The following SYP variants were observed in gnomAD, a reference collection of about 807,000 sequenced individuals.
SYP encodes the protein synaptophysin.
SYP carries 2 observed loss-of-function variants against 24.3 expected under a neutral mutation model. That is an observed-to-expected ratio of 0.08 (90% CI 0.03 to 0.26). The LOEUF (loss-of-function observed/expected upper bound fraction) is 0.26, where lower values mean the gene tolerates loss of function less well. SYP is among the 10% of genes least tolerant of loss of function. The pLI is 1.00. For missense variants in SYP, 216 were observed against 266.3 expected, an observed-to-expected ratio of 0.81 and a Z score of 1.32; for synonymous variants, 143 against 123.2, an observed-to-expected ratio of 1.16 and a Z score of -1.07.
At chrX:49,192,482 C>T (rs782685217) in intron 5 of SYP, among the ~76,000 whole-genome samples, 220 of 112,767 alleles carry the variant, frequency 2.0e-3, no homozygotes, top group Non-Finnish European at 3.2e-3. Flanking sequence ...CGTGAGCTAC[C>T]GCACCCGGCC....
In SYP at chrX:49,194,276, C is replaced by T. The variant is rs782248808; in HGVS notation, c.313G>A (p.Glu105Lys). The change falls in exon 4 of 7, where the codon GAA (glutamate) becomes AAA (lysine). Residue 105 changes from glutamate to lysine, a missense_variant. Coordinates refer to ENST00000263233, the MANE Select transcript of SYP (RefSeq NM_003179.3). ...AACACGGCCACGGTGACAAAGAATT[C>T]GGCTGACGAGGAGTAGTCCCCAACT... ...FLVGDYSSSA[E>K]FFVTVAVFAF... The T allele has an allele frequency of 3.3e-6, 4 of 1,209,440 alleles. No individual in the cohort carries two copies. Among genetic ancestry groups the T allele is most frequent in the South Asian group, 3.5e-5 (2 of 56,742 alleles).
intron 2 of SYP, chrX:49,198,052 G>T: frequency 2.2e-6 from 1 of 450,942 alleles, no homozygotes; most frequent in South Asian, 3.4e-5. Context: ...GTCTCTCTCT[G>T]TCTCTGCCTT....
intron 2 of SYP, chrX:49,198,193 T>C (rs1445868240): frequency 3.7e-6 from 1 of 272,835 alleles, no homozygotes; most frequent in African/African-American, 2.8e-5. Flanking sequence ...TGTCTCTCTG[T>C]GTCTCTGATC....
intron 6 of SYP, chrX:49,191,110 G>A (rs1008846857): frequency 4.6e-5 from 16 of 347,297 alleles, no homozygotes; most frequent in South Asian, 3.7e-4. Context: ...TCGCCACTGC[G>A]CAAGTCCCCC....
At position 49,200,009 on chromosome X, in the gene SYP, C is replaced by T. The variant is rs781976172; in HGVS notation, c.36+142G>A. On this transcript the variant is annotated intron_variant, in intron 1 of 6. Coordinates refer to ENST00000263233, the MANE Select transcript of SYP (RefSeq NM_003179.3). ...CTCCCCCTTCCTCCCCTTCACCTGC[C>T]GCAGACCCCCATCCCCAGCGCCGGG... is the stretch of plus-strand genomic sequence containing the variant. 3.6e-5 allele frequency: 26 copies of T among 728,384 alleles called. No individual in the cohort carries two copies. The East Asian group carries it at 9.4e-4, about 26-fold the overall frequency. The allele number at this position is 728,384 out of a possible 1,213,427, so 60.0% of individuals were successfully genotyped here. A position where few individuals can be genotyped will look rare whatever the true frequency, so the allele number is the denominator to read the frequency against.
chrX:49,194,235 G>A lies in SYP; in HGVS notation c.354C>T (p.Ser118=), dbSNP rs782622203. 8.3e-7 allele frequency: 1 copy of A among 1,209,602 alleles called. No individual in the cohort carries two copies. Among genetic ancestry groups the A allele is most frequent in the African/African-American group, 1.8e-5 (1 of 56,989 alleles). The change falls in exon 4 of 7, where the codon TCC becomes TCT. Residue 118 remains serine, a synonymous_variant. Coordinates refer to ENST00000263233, the MANE Select transcript of SYP (RefSeq NM_003179.3). The stretch of plus-strand genomic sequence containing the variant: ...AGATGTAGGTGGCCAGAGCCCCCAT[G>A]GAGTAGAGGAAGGCAAACACGGCCA... ...VTVAVFAFLY[S]MGALATYIFL... is the part of the protein sequence containing the mutation.
Position 49,196,502 on chromosome X carries a change from G to A in SYP, c.227+1213C>T, listed in dbSNP as rs1340290934. Among the ~76,000 whole-genome samples the A allele has an allele frequency of 6.2e-5, 7 of 112,426 alleles. No homozygotes were observed. The East Asian group carries it at 1.9e-3, about 31-fold the overall frequency. ...TACTTATTGAACAGACACTGATGGA[G>A]CACTTATTGTGTGCCAGGCACTGTG... On this transcript the variant is annotated intron_variant, in intron 3 of 6. Coordinates refer to ENST00000263233, the MANE Select transcript of SYP (RefSeq NM_003179.3).
In SYP at chrX:49,191,250, A is replaced by C. The variant is rs1302275005; in HGVS notation, c.*4+183T>G. ...AGCACCATTCTTCTTTTCTCCATTC[A>C]TTAGCTAGTTTTTCAGCTCTTAGCA... On this transcript the variant is annotated intron_variant, in intron 6 of 6. Transcript: ENST00000263233. The C allele has an allele frequency of 3.4e-5, 17 of 498,667 alleles. No individual in the cohort carries two copies. In the African/African-American group the frequency reaches 3.8e-4, roughly 11 times the overall value. 41.1% of individuals were successfully genotyped at this position (498,667 alleles called of 1,213,427 possible).
At chrX:49,197,529 C>G in intron 3 of SYP, 186 bp downstream of exon 3, 1 of 601,958 alleles carries the variant, frequency 1.7e-6, no homozygotes, top group East Asian at 3.6e-5. Context: ...CCTATGTCTG[C>G]CTTGCTCACC....
At chrX:49,198,695 C>G (rs1157271297) in intron 2 of SYP, 1 of 382,914 alleles carries the variant, frequency 2.6e-6, no homozygotes, top group African/African-American at 2.6e-5. Context: ...ACAGGCTCCA[C>G]CTCCCCCACC....
chrX:49,197,954 C>G (rs2065534575), intron 2 of SYP, 115 bp from the exon 3 acceptor site: 1 of 974,823 alleles, frequency 1.0e-6, no homozygotes, highest in Admixed American at 2.4e-5. Context: ...GGAGCAGTCC[C>G]CACCCCCACC....
chrX:49,197,822 G>A lies in SYP; in HGVS notation c.120C>T (p.Ala40=), dbSNP rs1056658168. 2 of 1,207,571 alleles carry A rather than the reference G, an allele frequency of 1.7e-6. No individual in the cohort carries two copies. Among genetic ancestry groups the A allele is most frequent in the African/African-American group, 1.7e-5 (1 of 57,444 alleles). ...KVLQWVFAIF[A]FATCGSYSGE... ...CACTGTAGCTGCCGCATGTGGCAAA[G>A]GCGAAGATGGCGAAGACCTTGGGCA... Residue 40 remains alanine (A), a synonymous_variant, in exon 3 of 7, where the codon GCC becomes GCT. Coordinates refer to ENST00000263233, the MANE Select transcript of SYP (RefSeq NM_003179.3).
rs782803969 is a variant in SYP at position 49,198,980 on chromosome X, C to T, written c.90G>A (p.Lys30=). The T allele has an allele frequency of 8.3e-7, 1 of 1,211,622 alleles. No individual in the cohort carries two copies. Among genetic ancestry groups the T allele is most frequent in the Non-Finnish European group, 1.1e-6 (1 of 895,462 alleles). The part of the protein sequence containing the change: ...RVVKEPLGFV[K]VLQWVFAIFA... ...GGACCACACTCACCCATTGCAGCAC[C>T]TTCACAAAGCCGAGGGGCTCCTTGA... Residue 30 remains lysine (K), a synonymous_variant, in exon 2 of 7, where the codon AAG becomes AAA. Coordinates refer to ENST00000263233, the MANE Select transcript of SYP (RefSeq NM_003179.3).
chrX:49,197,861 T>C, intron 2 of SYP, 22 bp from the exon 3 acceptor site: 5 of 1,208,348 alleles, frequency 4.1e-6, no homozygotes, highest in South Asian at 1.8e-5. Flanking sequence ...GGGATGGGGA[T>C]GGCCACAGTG....
chrX:49,198,040 G>C (rs1407091423), intron 2 of SYP: 3 of 475,480 alleles, frequency 6.3e-6, no homozygotes, highest in African/African-American at 4.9e-5. Flanking sequence ...TTCTCTCTCT[G>C]TGTCTCTCTC....
Position 49,193,279 on chromosome X carries a change from G to A in SYP, c.608C>T (p.Thr203Ile). The change falls in exon 5 of 7, where the codon ACC becomes ATC. Residue 203 changes from threonine to isoleucine, a missense_variant. By Grantham distance (89) the Thr-to-Ile change is moderately conservative (BLOSUM62 -1). Transcript: ENST00000263233. ...LRDPVTSGLN[T>I]SVVFGFLNLV... ...CCAGCACCCAGGGCTTACCACCGAGGTGTTGAGTCCCGAGGTCACAGGGTC... is the reference window on the plus strand; with the variant it reads ...CCAGCACCCAGGGCTTACCACCGAGATGTTGAGTCCCGAGGTCACAGGGTC... 1 of 1,211,872 alleles carries A rather than the reference G, an allele frequency of 8.3e-7. No homozygotes were observed. The highest frequency in any genetic ancestry group is 1.1e-6 in the Non-Finnish European group (1 of 895,457).
intron 4 of SYP, among the ~76,000 whole-genome samples, 176 bp from the exon 5 acceptor site, chrX:49,193,639 G>A (rs1298834927): frequency 8.8e-6 from 1 of 113,085 alleles, no homozygotes; most frequent in Non-Finnish European, 1.9e-5. Context: ...GAGCTTGTGT[G>A]TGTACATGAC....
chrX:49,198,112 T>C (rs1262867705), intron 2 of SYP: 1 of 377,100 alleles, frequency 2.7e-6, no homozygotes, highest in African/African-American at 2.6e-5. Flanking sequence ...TCTCTGTGTA[T>C]CTCACTGTGT....
At chrX:49,199,249 G>A in intron 1 of SYP, 2 of 446,135 alleles carry the variant, frequency 4.5e-6, no homozygotes, top group Non-Finnish European at 8.0e-6. Context: ...AGAGGAAGTC[G>A]GGGGTGAGGG....
Sources: allele counts gnomAD v4.1 joint callset (sites outside exome capture counted in the v4.1 genomes callset), GRCh38; gene constraint gnomAD v4.1.1; transcripts MANE v1.5; gene names NCBI Gene and HGNC (gene_info 2026-07-23, HGNC 2026-07-21).